GRAMD2B: variants seen among roughly 807,000 people sequenced by gnomAD.
GRAMD2B encodes GRAM domain containing 2B, also known as GRAM domain-containing protein 2B.
GRAMD2B carries 41 observed loss-of-function variants against 59.2 expected under a neutral mutation model. That is an observed-to-expected ratio of 0.69 (90% CI 0.54 to 0.90). The LOEUF is 0.90. Ranked by LOEUF, GRAMD2B falls within the 40% of genes least tolerant of loss-of-function variation. The pLI, the probability that GRAMD2B is intolerant of heterozygous loss-of-function variation, is 0.00. For synonymous variants in GRAMD2B, 161 were observed against 182.7 expected (o/e 0.88, Z 0.96); for missense variants, 424 against 500.5 (o/e 0.85, Z 1.46).
chr5:126,454,902 A>G (rs1307775609), intron 1 of GRAMD2B, among the ~76,000 whole-genome samples: 1 of 152,164 alleles, frequency 6.6e-6, no homozygotes, highest in Non-Finnish European at 1.5e-5. Context: ...TGGTTTTTTT[A>G]GATACAGTTT....
chr5:126,481,776 G>T (rs140344732), intron 8 of GRAMD2B, among the ~76,000 whole-genome samples: 2,042 of 152,072 alleles, frequency 0.013, 61 homozygotes, highest in African/African-American at 0.047. Flanking sequence ...GACCAGCCTG[G>T]CCAACATATT....
chr5:126,443,656 AG>A lies in GRAMD2B; in HGVS notation c.83+19968del, dbSNP rs112031679. ...GGACAATAGTTTTCTGTCTTTTCTC[AG>A]TAAAACTGGCTTTCTCTCAGCTGTG... is the stretch of plus-strand genomic sequence containing the variant. On this transcript the variant is annotated intron_variant, in intron 1 of 13. Transcript: ENST00000285689. Among the ~76,000 whole-genome samples the A allele has an allele frequency of 7.8e-3, 1,185 of 152,330 alleles. 21 individuals are homozygous for A. The highest frequency in any genetic ancestry group is 0.027 in the African/African-American group (1,134 of 41,572).
Position 126,465,304 on chromosome 5 carries a change from C to G in GRAMD2B, c.84-122C>G, listed in dbSNP as rs1269278994. 3.9e-6 allele frequency: 6 copies of G among 1,541,336 alleles called. No homozygotes were observed. The African/African-American group carries it at 8.3e-5, about 21-fold the overall frequency. On this transcript the variant is annotated intron_variant, in intron 1 of 13. Transcript: ENST00000285689. Reference sequence around the variant, plus strand: ...GAAAGGGCCTCGCTGTCAAAGTTAACTAGCCTATCAGTGAGGAATGAAAAT... The same window carrying G: ...GAAAGGGCCTCGCTGTCAAAGTTAAGTAGCCTATCAGTGAGGAATGAAAAT...
upstream of GRAMD2B, among the ~76,000 whole-genome samples, chr5:126,418,942 T>C (rs1016031401): frequency 1.3e-5 from 2 of 152,350 alleles, no homozygotes; most frequent in East Asian, 3.9e-4. Flanking sequence ...CATAGTTAAG[T>C]TATCACAGAG....
At chr5:126,429,367 A>T (rs968648846) in intron 1 of GRAMD2B, among the ~76,000 whole-genome samples, 1 of 152,164 alleles carries the variant, frequency 6.6e-6, no homozygotes, top group African/African-American at 2.4e-5. Flanking sequence ...GGAACAACAC[A>T]CACTGGGATC....
intron 1 of GRAMD2B, 98 bp downstream of exon 1, chr5:126,423,787 G>T (rs1760084865): frequency 1.6e-6 from 2 of 1,212,314 alleles, no homozygotes. Context: ...CGGATTTCTG[G>T]AGCTCCTATA....
intron 1 of GRAMD2B, among the ~76,000 whole-genome samples, chr5:126,362,786 T>C (rs1754276435): frequency 6.6e-6 from 1 of 152,206 alleles, no homozygotes; most frequent in Non-Finnish European, 1.5e-5. Flanking sequence ...TTCTAAAGAA[T>C]GAAATTGGAC....
chr5:126,424,903 C>T (rs1310100895), intron 1 of GRAMD2B, among the ~76,000 whole-genome samples: 6 of 152,186 alleles, frequency 3.9e-5, no homozygotes, highest in African/African-American at 1.4e-4. Context: ...AATAAAAGAG[C>T]AGCCAGGATT....
At chr5:126,450,136 G>A (rs911641662) in intron 1 of GRAMD2B, among the ~76,000 whole-genome samples, 1 of 152,016 alleles carries the variant, frequency 6.6e-6, no homozygotes, top group African/African-American at 2.4e-5. Flanking sequence ...AAGAGCTGTA[G>A]TTATCGTAGA....
At chr5:126,455,438 A>G (rs1766105827) in intron 1 of GRAMD2B, among the ~76,000 whole-genome samples, 1 of 152,066 alleles carries the variant, frequency 6.6e-6, no homozygotes, top group Non-Finnish European at 1.5e-5. Context: ...AAAAAAAAAC[A>G]AACTGTTGGA....
Position 126,363,211 on chromosome 5 carries a change from T to G in GRAMD2B, c.128+2752T>G, listed in dbSNP as rs1286054550. The stretch of plus-strand genomic sequence containing the variant: ...AATACACAAATGGCCAATAAGGACA[T>G]GCAAAGATGCTCAGCATCATTAGTC... On this transcript the variant is annotated intron_variant, in intron 1 of 13. Transcript: ENST00000513040. Among the ~76,000 whole-genome samples, 4 of 152,214 alleles carry G rather than the reference T, an allele frequency of 2.6e-5. No individual in the cohort carries two copies. In the East Asian group the frequency reaches 5.8e-4, roughly 22 times the overall value.
chr5:126,371,483 G>A (rs889887277), exon 1 of GRAMD2B: 23 of 1,289,112 alleles, frequency 1.8e-5, no homozygotes, highest in South Asian at 1.2e-4. Flanking sequence ...ACGGTGTTCC[G>A]GTTTGAGACT....
intron 2 of GRAMD2B, chr5:126,467,702 T>C (rs1417251954): frequency 6.6e-6 from 1 of 152,220 alleles, no homozygotes. Context: ...AGAGAACAAA[T>C]GTTTTTTCAT....
At chr5:126,365,163 T>A (rs1030178) in intron 1 of GRAMD2B, among the ~76,000 whole-genome samples, 22,693 of 152,220 alleles carry the variant, frequency 0.15, 2,089 homozygotes, top group East Asian at 0.26. Context: ...TGAGTATACA[T>A]TTTGTTTTGT....
intron 1 of GRAMD2B, among the ~76,000 whole-genome samples, chr5:126,411,597 G>T (rs1758796894): frequency 6.6e-6 from 1 of 151,910 alleles, no homozygotes; most frequent in Admixed American, 6.6e-5. Context: ...CTCTTTTTTG[G>T]TTCCATGTGA....
At chr5:126,472,930 T>C (rs1426770747) in intron 4 of GRAMD2B, among the ~76,000 whole-genome samples, 2 of 152,180 alleles carry the variant, frequency 1.3e-5, no homozygotes, top group African/African-American at 4.8e-5. Flanking sequence ...CTGAAAATAC[T>C]GGGGAAAAGG....
At chr5:126,488,674 C>T in intron 12 of GRAMD2B, 125 bp from the exon 13 acceptor site, 2 of 625,670 alleles carry the variant, frequency 3.2e-6, no homozygotes, top group Admixed American at 5.9e-5. Context: ...CTAATATTAA[C>T]AAATGAAATG....
chr5:126,439,139 T>G (rs1013851527), intron 1 of GRAMD2B, among the ~76,000 whole-genome samples: 2 of 152,066 alleles, frequency 1.3e-5, no homozygotes, highest in Non-Finnish European at 2.9e-5. Context: ...CCATTGAAGA[T>G]TCCATGTGGC....
intron 1 of GRAMD2B, among the ~76,000 whole-genome samples, chr5:126,451,583 T>G (rs927421668): frequency 6.6e-6 from 1 of 152,014 alleles, no homozygotes; most frequent in Non-Finnish European, 1.5e-5. Flanking sequence ...AGGAGATGAG[T>G]CTCTTACGAG....
Sources: gnomAD v4.1 joint callset for allele counts (sites outside exome capture counted in the v4.1 genomes callset) on GRCh38, gnomAD v4.1.1 for gene constraint, MANE v1.5 for transcripts, NCBI Gene and HGNC (gene_info 2026-07-23, HGNC 2026-07-21) for gene names.